STK33: variants seen among roughly 807,000 people sequenced by gnomAD.
The protein encoded by STK33 is serine/threonine-protein kinase 33.
Under a neutral mutation model 58.0 loss-of-function variants are expected in STK33, and 52 were observed. The ratio of observed to expected loss-of-function variants is 0.90; its 90% CI spans 0.72 to 1.13. STK33 has a LOEUF of 1.13. STK33 is among the 50% of genes most tolerant of loss of function. The pLI, the probability that STK33 is intolerant of heterozygous loss-of-function variation, is 0.00. For synonymous variants in STK33, 215 were observed against 200.1 expected (o/e 1.07, Z -0.63); for missense variants, 630 against 604.2 (o/e 1.04, Z -0.45).
At chr11:8,388,529 G>T (rs1848575437), downstream of STK33, among the ~76,000 whole-genome samples, 1 of 152,260 alleles carries the variant, frequency 6.6e-6, no homozygotes, top group South Asian at 2.1e-4. Context: ...ACTGAACGAT[G>T]TGAGACCTTT....
intron 15 of STK33, among the ~76,000 whole-genome samples, chr11:8,393,798 T>C (rs1202664132): frequency 6.6e-6 from 1 of 152,220 alleles, no homozygotes; most frequent in Non-Finnish European, 1.5e-5. Context: ...TAATATTCAG[T>C]AGTAGCACTT....
the STK33 span, among the ~76,000 whole-genome samples, chr11:8,373,664 C>A: frequency 2.6e-5 from 4 of 152,302 alleles, no homozygotes; most frequent in African/African-American, 7.2e-5. Flanking sequence ...TCCACTGCCA[C>A]CGTGATGGAC....
rs760992429 is a variant in STK33 at position 8,474,921 on chromosome 11, A to G, written c.-16T>C. On this transcript the variant is annotated 5_prime_UTR_variant, in exon 5 of 16. Coordinates refer to ENST00000687296, the MANE Select transcript of STK33 (RefSeq NM_001352389.2). ...TATCAGCCATTTGTTTAACTCTGCA[A>G]CAAAAGCAACTTTAAAAATGTTTCC... The G allele has an allele frequency of 6.4e-7, 1 of 1,551,770 alleles. No individual in the cohort carries two copies. Among genetic ancestry groups the G allele is most frequent in the East Asian group, 2.3e-5 (1 of 43,932 alleles).
At chr11:8,486,748 G>A (rs1950220657) in intron 1 of STK33, among the ~76,000 whole-genome samples, 1 of 152,218 alleles carries the variant, frequency 6.6e-6, no homozygotes, top group Non-Finnish European at 1.5e-5. Context: ...CAAGGCAGGA[G>A]ATGTAAAGCA....
At chr11:8,398,515 T>C (rs1434256919) in intron 15 of STK33, among the ~76,000 whole-genome samples, 2 of 152,204 alleles carry the variant, frequency 1.3e-5, no homozygotes, top group Admixed American at 6.5e-5. Context: ...ACATGCCAAA[T>C]TGTAAAGACC....
In STK33 at chr11:8,450,200, G is replaced by C. The variant is rs575301032; in HGVS notation, c.871+2622C>G. On this transcript the variant is annotated intron_variant, in intron 11 of 15. Transcript: ENST00000687296. The stretch of plus-strand genomic sequence containing the variant: ...GACTGGATAAAGAAAATGTGGCACA[G>C]ATACACCATGGAATACTATGCAGCC... Among the ~76,000 whole-genome samples the C allele has an allele frequency of 8.5e-4, 129 of 152,150 alleles. 1 individual carries two copies. The highest frequency in any genetic ancestry group is 2.9e-3 in the African/African-American group (120 of 41,496).
intron 1 of STK33, among the ~76,000 whole-genome samples, chr11:8,571,501 G>C (rs189121031): frequency 8.5e-5 from 13 of 152,266 alleles, no homozygotes; most frequent in Admixed American, 7.2e-4. Flanking sequence ...ATAACAAATT[G>C]TGAATGTAAT....
chr11:8,342,863 AGGAGCAT>A, the STK33 span, among the ~76,000 whole-genome samples: 1 of 152,216 alleles, frequency 6.6e-6, no homozygotes, highest in African/African-American at 2.4e-5. Flanking sequence ...AAAGAGCAAA[AGGAGCAT>A]GGCCACTGCA....
intron 1 of STK33, among the ~76,000 whole-genome samples, chr11:8,583,486 A>C (rs940572173): frequency 4.6e-5 from 7 of 152,250 alleles, no homozygotes; most frequent in African/African-American, 1.7e-4. Context: ...TATGGAAATG[A>C]CTAGATGAAC....
chr11:8,337,474 C>T, the STK33 span, among the ~76,000 whole-genome samples: 1 of 152,266 alleles, frequency 6.6e-6, no homozygotes, highest in South Asian at 2.1e-4. Context: ...GCCCTCCTCA[C>T]CACCCACTTC....
intron 11 of STK33, among the ~76,000 whole-genome samples, chr11:8,446,799 C>A (rs1034753226): frequency 2.0e-5 from 3 of 152,112 alleles, no homozygotes; most frequent in African/African-American, 7.2e-5. Context: ...CTTCCTTACA[C>A]CTTATACAAA....
At chr11:8,443,229 C>A (rs184897302) in intron 11 of STK33, among the ~76,000 whole-genome samples, 2 of 152,280 alleles carry the variant, frequency 1.3e-5, no homozygotes, top group East Asian at 1.9e-4. Context: ...TATGGAAGAT[C>A]TGAATCACAA....
intron 1 of STK33, among the ~76,000 whole-genome samples, chr11:8,550,953 C>A (rs1408768543): frequency 6.6e-6 from 1 of 152,088 alleles, no homozygotes; most frequent in Non-Finnish European, 1.5e-5. Context: ...TAAGTGTTCA[C>A]ACTGCTGGTA....
intron 1 of STK33, among the ~76,000 whole-genome samples, chr11:8,518,948 C>A (rs1407846034): frequency 3.3e-5 from 5 of 152,130 alleles, no homozygotes; most frequent in Non-Finnish European, 4.4e-5. Flanking sequence ...AGAAAGTTAA[C>A]AAGGATATCC....
At chr11:8,543,368 A>G (rs955721562) in intron 1 of STK33, among the ~76,000 whole-genome samples, 1 of 152,256 alleles carries the variant, frequency 6.6e-6, no homozygotes, top group African/African-American at 2.4e-5. Context: ...CGTATTTCAA[A>G]TTTACAAGTC....
chr11:8,488,384 C>A (rs963492136), intron 1 of STK33, among the ~76,000 whole-genome samples: 11 of 151,950 alleles, frequency 7.2e-5, no homozygotes, highest in African/African-American at 2.7e-4. Flanking sequence ...TACACACACA[C>A]ATAGGGCTAT....
intron 11 of STK33, among the ~76,000 whole-genome samples, chr11:8,446,755 G>C (rs763944644): frequency 2.6e-5 from 4 of 152,150 alleles, no homozygotes; most frequent in Non-Finnish European, 5.9e-5. Context: ...TGGGAAAACT[G>C]GCTAGCCATA....
At chr11:8,488,730 C>T (rs973929809) in intron 1 of STK33, among the ~76,000 whole-genome samples, 3 of 152,020 alleles carry the variant, frequency 2.0e-5, no homozygotes, top group Non-Finnish European at 4.4e-5. Context: ...CAACAAAACA[C>T]CCTGGGGAGG....
At chr11:8,588,556 A>G (rs2032089791) in intron 1 of STK33, among the ~76,000 whole-genome samples, 3 of 152,202 alleles carry the variant, frequency 2.0e-5, no homozygotes, top group Non-Finnish European at 4.4e-5. Flanking sequence ...TAAATATAAG[A>G]GCTAAAATTA....
Sources: gnomAD v4.1 joint callset for allele counts (sites outside exome capture counted in the v4.1 genomes callset) on GRCh38, gnomAD v4.1.1 for gene constraint, MANE v1.5 for transcripts, NCBI Gene and HGNC (gene_info 2026-07-23, HGNC 2026-07-21) for gene names.